Variants in ADCY2 observed in about 807,000 individuals in gnomAD.
ADCY2 encodes adenylate cyclase type 2.
A neutral mutation model predicts 125.2 loss-of-function variants in ADCY2; 31 were observed. That is an observed-to-expected ratio of 0.25 (90% CI 0.19 to 0.33). The LOEUF is 0.33. Among genes scored for constraint, ADCY2 ranks in the 10% least tolerant of loss-of-function variants. The pLI is 1.00. For missense variants in ADCY2, 904 were observed against 1,418.2 expected, an observed-to-expected ratio of 0.64 and a Z score of 5.82; for synonymous variants, 512 against 548.4, an observed-to-expected ratio of 0.93 and a Z score of 0.93.
intron 1 of ADCY2, among the ~76,000 whole-genome samples, chr5:7,409,066 C>G (rs953054789): frequency 6.6e-6 from 1 of 152,180 alleles, no homozygotes; most frequent in Non-Finnish European, 1.5e-5. Context: ...ACAACAAGAT[C>G]ATGTCCATTG....
chr5:7,628,082 GT>G (rs1738193736), intron 4 of ADCY2, among the ~76,000 whole-genome samples: 1 of 152,068 alleles, frequency 6.6e-6, no homozygotes, highest in South Asian at 2.1e-4. Flanking sequence ...TTTCAGTAAC[GT>G]TTTACATCTG....
intron 4 of ADCY2, chr5:7,658,245 T>G (rs567245046): frequency 5.7e-4 from 87 of 152,442 alleles, no homozygotes; most frequent in African/African-American, 2.0e-3. Context: ...TCTGTTTCCA[T>G]ATAGTTGCTG....
chr5:7,666,022 T>C (rs1290153986), intron 4 of ADCY2, among the ~76,000 whole-genome samples: 1 of 150,558 alleles, frequency 6.6e-6, no homozygotes, highest in Non-Finnish European at 1.5e-5. Context: ...GTATTTTTAG[T>C]AGAGACAGGG....
intron 2 of ADCY2, among the ~76,000 whole-genome samples, chr5:7,427,529 A>G (rs116258255): frequency 0.021 from 3,219 of 152,242 alleles, 48 homozygotes; most frequent in South Asian, 0.036. Context: ...AACTGCTCCC[A>G]TGATCCACTC....
intron 2 of ADCY2, among the ~76,000 whole-genome samples, chr5:7,506,517 A>G (rs916699609): frequency 1.3e-5 from 2 of 152,196 alleles, no homozygotes; most frequent in African/African-American, 4.8e-5. Flanking sequence ...TGCCCGAGAA[A>G]AAAATGGTTT....
At chr5:7,516,146 A>G (rs1744246097) in intron 2 of ADCY2, among the ~76,000 whole-genome samples, 1 of 152,148 alleles carries the variant, frequency 6.6e-6, no homozygotes, top group African/African-American at 2.4e-5. Context: ...CAGGAGGGAG[A>G]GCATCAGTGG....
At chr5:7,447,123 G>A (rs1741292445) in intron 2 of ADCY2, among the ~76,000 whole-genome samples, 1 of 152,038 alleles carries the variant, frequency 6.6e-6, no homozygotes, top group African/African-American at 2.4e-5. Context: ...CTGGTACAAG[G>A]GCTGAAGTTA....
Position 7,583,791 on chromosome 5 carries a change from G to C in ADCY2, c.571-42376G>C, listed in dbSNP as rs182427186. ...GAGAAATAAAAATGTGACCACATAT[G>C]CTTGATTTCAAATAGCAAAAACTGG... On this transcript the variant is annotated intron_variant, in intron 3 of 24. Transcript: ENST00000338316. 6.9e-4 allele frequency among the ~76,000 whole-genome samples: 105 copies of C among 152,208 alleles called. 1 individual carries two copies. Among genetic ancestry groups the C allele is most frequent in the Admixed American group, 2.6e-3 (40 of 15,294 alleles).
At chr5:7,548,475 T>C (rs764569225) in intron 3 of ADCY2, among the ~76,000 whole-genome samples, 5 of 151,544 alleles carry the variant, frequency 3.3e-5, no homozygotes, top group Non-Finnish European at 7.4e-5. Context: ...AGAGTAAAGA[T>C]TTGTAGCAAA....
At chr5:7,435,279 A>T (rs1740753675) in intron 2 of ADCY2, among the ~76,000 whole-genome samples, 2 of 152,342 alleles carry the variant, frequency 1.3e-5, no homozygotes, top group South Asian at 2.1e-4. Flanking sequence ...AAGAGAATGA[A>T]TATTTTTGGA....
chr5:7,490,443 A>G (rs888090187), intron 2 of ADCY2, among the ~76,000 whole-genome samples: 2 of 152,192 alleles, frequency 1.3e-5, no homozygotes, highest in Non-Finnish European at 2.9e-5. Context: ...TGAGAGGTAG[A>G]ATGGCCTTGA....
chr5:7,482,519 C>A (rs1742768145), intron 2 of ADCY2, among the ~76,000 whole-genome samples: 1 of 151,942 alleles, frequency 6.6e-6, no homozygotes, highest in Non-Finnish European at 1.5e-5. Context: ...TTGGTGGGAA[C>A]TTTTATGTAC....
chr5:7,455,067 C>A (rs960072251), intron 2 of ADCY2, among the ~76,000 whole-genome samples: 1 of 152,192 alleles, frequency 6.6e-6, no homozygotes, highest in South Asian at 2.1e-4. Flanking sequence ...GAACTTTCCA[C>A]ATTCTATACC....
rs1037833603 is a variant in ADCY2 at position 7,455,515 on chromosome 5, A to G, written c.408+40745A>G. Among the ~76,000 whole-genome samples, 4 of 151,732 alleles carry G rather than the reference A, an allele frequency of 2.6e-5. No individual in the cohort carries two copies. In the East Asian group the frequency reaches 5.8e-4, roughly 22 times the overall value. On this transcript the variant is annotated intron_variant, in intron 2 of 24. Coordinates refer to ENST00000338316, the MANE Select transcript of ADCY2 (RefSeq NM_020546.3). ...AAAAACATAATCACAAACTTACATA[A>G]TTTGTTTTAAAATATCACTTATTAT...
At chr5:7,750,909 A>G (rs1342093666) in intron 15 of ADCY2, among the ~76,000 whole-genome samples, 5 of 151,572 alleles carry the variant, frequency 3.3e-5, no homozygotes, top group South Asian at 4.2e-4. Flanking sequence ...TCATTGTCCA[A>G]TATCTCCTTG....
At chr5:7,732,595 C>G (rs1313621312) in intron 14 of ADCY2, among the ~76,000 whole-genome samples, 1 of 152,174 alleles carries the variant, frequency 6.6e-6, no homozygotes, top group African/African-American at 2.4e-5. Flanking sequence ...TTTTATGAGG[C>G]ATTTTTGTTA....
chr5:7,685,922 A>C (rs1452177124), intron 4 of ADCY2, among the ~76,000 whole-genome samples: 1 of 152,164 alleles, frequency 6.6e-6, no homozygotes, highest in African/African-American at 2.4e-5. Context: ...GTGTTTGTCC[A>C]CTCTGTTAGC....
At chr5:7,789,838 G>A (rs1744198967) in intron 20 of ADCY2, 38 bp downstream of exon 20, 1 of 1,446,020 alleles carries the variant, frequency 6.9e-7, no homozygotes, top group Admixed American at 2.5e-5. Flanking sequence ...GGAGGGGGCT[G>A]GATGCCATGA....
intron 15 of ADCY2, chr5:7,749,844 A>C (rs1394030376): frequency 3.9e-5 from 6 of 152,238 alleles, no homozygotes. Flanking sequence ...AAGGGAAAGT[A>C]GGTCACACAG....
Sources: gnomAD v4.1 joint callset for allele counts (sites outside exome capture counted in the v4.1 genomes callset) on GRCh38, gnomAD v4.1.1 for gene constraint, MANE v1.5 for transcripts, NCBI Gene and HGNC (gene_info 2026-07-23, HGNC 2026-07-21) for gene names.